Variants in TAF5L observed in about 807,000 individuals in gnomAD.
TAF5L encodes the protein TATA-box binding protein associated factor 5 like.
Under a neutral mutation model 51.3 loss-of-function variants are expected in TAF5L, and 7 were observed. That is an observed-to-expected ratio of 0.14 (90% CI 0.08 to 0.26). TAF5L has a LOEUF of 0.26. Among genes scored for constraint, TAF5L ranks in the 10% least tolerant of loss-of-function variants. The probability of loss-of-function intolerance (pLI) is 1.00; values close to 1 mark genes in which losing one functional copy is unlikely to be tolerated. For synonymous variants in TAF5L, 291 were observed against 308.1 expected (o/e 0.94, Z 0.58); for missense variants, 575 against 758.9 (o/e 0.76, Z 2.85).
At chr1:229,601,379 G>C (rs1226068025) in intron 4 of TAF5L, 1 of 985,328 alleles carries the variant, frequency 1.0e-6, no homozygotes, top group Non-Finnish European at 1.2e-6. Context: ...GTGGTGATAA[G>C]ACAAAAATAC....
Position 229,594,951 on chromosome 1 carries a change from C to T in TAF5L, c.1116G>A (p.Gly372=). Residue 372 remains glycine, a synonymous_variant, in exon 5 of 5, where the codon GGG becomes GGA. Transcript: ENST00000258281. The surrounding 1 kb of genome is among the most constrained non-coding windows in gnomAD (Gnocchi z 7.9). ...GGTACAACACAGTGTTGGTGAAACT[C>T]CCCAGATCCCAGTATCTGATGGACA... The T allele has an allele frequency of 6.2e-7, 1 of 1,614,146 alleles. No individual in the cohort carries two copies. Among genetic ancestry groups the T allele is most frequent in the South Asian group, 1.1e-5 (1 of 91,078 alleles).
At position 229,594,193 on chromosome 1, in the gene TAF5L, G is replaced by A. The variant is rs1224918590; in HGVS notation, c.*104C>T. On this transcript the variant is annotated 3_prime_UTR_variant, in exon 5 of 5. Coordinates refer to ENST00000258281, the Ensembl canonical transcript of TAF5L. The surrounding 1 kb of genome is among the most constrained non-coding windows in gnomAD (Gnocchi z 7.9). ...GAATGAGGGCCCAGGAGAGAGGGGA[G>A]GAGGGGGCTCTTTCACAGTCAATGA... 4 of 1,298,578 alleles carry A rather than the reference G, an allele frequency of 3.1e-6. No homozygotes were observed. The African/African-American group carries it at 4.5e-5, about 14-fold the overall frequency. The allele number at this position is 1,298,578 out of a possible 1,614,324, so 80.4% of individuals were successfully genotyped here.
At chr1:229,622,998 C>A (rs189081671) in intron 1 of TAF5L, among the ~76,000 whole-genome samples, 2 of 152,160 alleles carry the variant, frequency 1.3e-5, no homozygotes. Context: ...TTACTGCCGC[C>A]GGGCACGGTG....
rs1664061642 is a variant in TAF5L, at chr1:229,594,945, G to C, written c.1122C>G (p.Phe374Leu). ...GTCCTTGGTACAACACAGTGTTGGT[G>C]AAACTCCCCAGATCCCAGTATCTGA... The change falls in exon 5 of 5, where the codon TTC (phenylalanine) becomes TTG (leucine). Residue 374 changes from phenylalanine (F) to leucine (L), a missense_variant. By Grantham distance (22) the Phe-to-Leu change is conservative. Around this residue, in one of 3 missense-constraint regions of TAF5L, gnomAD observed 104 missense variants for 218.3 expected, o/e 0.48. Transcript: ENST00000258281. This position sits in a 1 kb window ranked among gnomAD's most constrained non-coding sequence, Gnocchi z 7.9. The C allele has an allele frequency of 6.2e-7, 1 of 1,614,090 alleles. No individual in the cohort carries two copies. The highest frequency in any genetic ancestry group is 1.3e-5 in the African/African-American group (1 of 74,922).
chr1:229,618,780 C>T (rs1169015445), intron 1 of TAF5L, among the ~76,000 whole-genome samples: 1 of 151,990 alleles, frequency 6.6e-6, no homozygotes, highest in African/African-American at 2.4e-5. Flanking sequence ...CTCTAATGTA[C>T]ACGGTCGGTA....
In TAF5L at chr1:229,594,417, G is replaced by A. The variant is rs766672867; in HGVS notation, c.1650C>T (p.Gly550=). ...ACACGCCCACGAGCTCGCTGGAGGA[G>A]CCGTCGGCAGGTGCACTGCAGTAAG... Residue 550 remains glycine, a synonymous_variant, in exon 5 of 5, where the codon GGC becomes GGT. Transcript: ENST00000258281. The surrounding 1 kb of genome is among the most constrained non-coding windows in gnomAD (Gnocchi z 7.9). 6.2e-7 allele frequency: 1 copy of A among 1,614,206 alleles called. No individual in the cohort carries two copies. The highest frequency in any genetic ancestry group is 1.7e-5 in the Admixed American group (1 of 60,020).
chr1:229,622,025 CT>C (rs1665220515), intron 1 of TAF5L, among the ~76,000 whole-genome samples: 12 of 23,762 alleles, frequency 5.1e-4, no homozygotes, highest in African/African-American at 1.2e-3. Context: ...CATCATCTAT[CT>C]ATCTATCTAT....
chr1:229,605,059 T>C (rs1664533798), intron 3 of TAF5L, among the ~76,000 whole-genome samples: 1 of 151,968 alleles, frequency 6.6e-6, no homozygotes, highest in African/African-American at 2.4e-5. Flanking sequence ...TGCCTCAGCC[T>C]ATTGAGTAGC....
chr1:229,595,974 G>C (rs1389904252), intron 4 of TAF5L, among the ~76,000 whole-genome samples: 1 of 152,142 alleles, frequency 6.6e-6, no homozygotes, highest in African/African-American at 2.4e-5. Context: ...CTCACTTCAA[G>C]ATTAACACAC....
intron 3 of TAF5L, among the ~76,000 whole-genome samples, chr1:229,603,850 T>C (rs1558147783): frequency 1.3e-5 from 2 of 152,222 alleles, no homozygotes; most frequent in Admixed American, 6.5e-5. Context: ...ATGTGATTCA[T>C]ACACAGTGGG....
At chr1:229,619,635 T>C (rs968292509) in intron 1 of TAF5L, among the ~76,000 whole-genome samples, 1 of 152,206 alleles carries the variant, frequency 6.6e-6, no homozygotes, top group Admixed American at 6.5e-5. Context: ...ATTCTAAACC[T>C]TCACCAGTCT....
chr1:229,611,296 A>G (rs1413190011), intron 2 of TAF5L, among the ~76,000 whole-genome samples: 1 of 152,104 alleles, frequency 6.6e-6, no homozygotes, highest in Non-Finnish European at 1.5e-5. Flanking sequence ...AAAAAACAAA[A>G]ACCATTCTCC....
chr1:229,611,379 C>T (rs1350603762), intron 2 of TAF5L, among the ~76,000 whole-genome samples: 6 of 152,128 alleles, frequency 3.9e-5, no homozygotes, highest in South Asian at 2.1e-4. Flanking sequence ...CACCTTTAAC[C>T]GCGTCCTGAA....
chr1:229,603,223 G>C (rs945337442), intron 3 of TAF5L, among the ~76,000 whole-genome samples: 2 of 152,098 alleles, frequency 1.3e-5, no homozygotes, highest in Non-Finnish European at 2.9e-5. Flanking sequence ...CTTGTACCCA[G>C]GTCTTCAAGA....
intron 2 of TAF5L, 121 bp from the exon 3 acceptor site, chr1:229,610,331 C>G (rs971156433): frequency 1.1e-5 from 10 of 880,390 alleles, no homozygotes; most frequent in African/African-American, 1.7e-5. Context: ...GACATTTCAG[C>G]AGGTTTCCAA....
At chr1:229,593,334 G>A (rs886545776) in exon 5 of TAF5L, 4 of 152,162 alleles carry the variant, frequency 2.6e-5, no homozygotes, top group Non-Finnish European at 5.9e-5. Flanking sequence ...AGGAGAAAAA[G>A]ACGTGGAAAA....
chr1:229,599,685 G>C (rs1664290699), intron 4 of TAF5L: 2 of 345,016 alleles, frequency 5.8e-6, no homozygotes, highest in Non-Finnish European at 8.2e-6. Flanking sequence ...CATTCATCTT[G>C]ATGGCCATTT....
At chr1:229,612,535 G>A (rs1177420470) in intron 2 of TAF5L, among the ~76,000 whole-genome samples, 3 of 152,218 alleles carry the variant, frequency 2.0e-5, no homozygotes, top group Non-Finnish European at 4.4e-5. Context: ...ATCTGGCCCT[G>A]TTTTGGTCAA....
At chr1:229,617,834 C>A (rs1313364763) in intron 1 of TAF5L, among the ~76,000 whole-genome samples, 1 of 152,094 alleles carries the variant, frequency 6.6e-6, no homozygotes, top group Non-Finnish European at 1.5e-5. Flanking sequence ...AAATTAGCTG[C>A]CCCAAATAGC....
Sources: allele counts gnomAD v4.1 joint callset (sites outside exome capture counted in the v4.1 genomes callset), GRCh38; gene constraint gnomAD v4.1.1; regional missense constraint gnomAD v4.1.1; non-coding constraint Gnocchi (gnomAD v3.1); transcripts MANE v1.5; gene names NCBI Gene and HGNC (gene_info 2026-07-23, HGNC 2026-07-21).